Variants in SDAD1 observed in about 807,000 individuals in gnomAD.
The protein encoded by SDAD1 is SDA1 domain containing 1.
SDAD1 carries 79 observed loss-of-function variants against 100.3 expected under a neutral mutation model. That is an observed-to-expected ratio of 0.79 (90% CI 0.66 to 0.95). The LOEUF is 0.95. Ranked by LOEUF, SDAD1 falls within the 40% of genes least tolerant of loss-of-function variation. The pLI is 0.00. For synonymous variants in SDAD1, 267 were observed against 271.4 expected, an observed-to-expected ratio of 0.98 and a Z score of 0.16; for missense variants, 790 against 810.9, an observed-to-expected ratio of 0.97 and a Z score of 0.31.
chr4:75,964,114 C>T (rs1729401746), intron 14 of SDAD1, 21 bp downstream of exon 14: 1 of 1,548,966 alleles, frequency 6.5e-7, no homozygotes, highest in Non-Finnish European at 8.9e-7. Context: ...TATCTTCTGC[C>T]TCCAACCAGA....
At chr4:75,977,573 G>A (rs1730223173) in intron 4 of SDAD1, 73 bp downstream of exon 4, 4 of 919,372 alleles carry the variant, frequency 4.4e-6, no homozygotes, top group African/African-American at 1.7e-5. Flanking sequence ...GTAAAGCATC[G>A]ATAATTCAAG....
intron 21 of SDAD1, among the ~76,000 whole-genome samples, chr4:75,955,447 T>A (rs562919458): frequency 6.6e-6 from 1 of 152,240 alleles, no homozygotes; most frequent in East Asian, 1.9e-4. Context: ...TGCGGGCTGC[T>A]GGCCAGATCC....
chr4:75,982,018 T>C lies in SDAD1; in HGVS notation c.110A>G (p.His37Arg). Residue 37 changes from histidine to arginine, a missense_variant, in exon 2 of 22, where the codon CAC becomes CGC. His to Arg is a conservative substitution (Grantham distance 29). Transcript: ENST00000356260. ...GAAAATCTCCACATTGGATTTGTAG[T>C]GATTATACTGCTGTAGAAACTGCAG... Reference protein sequence around the residue: ...YIEEFLQQYNHYKSNVEIFKL... With the variant: ...YIEEFLQQYNRYKSNVEIFKL... 3 of 1,608,920 alleles carry C rather than the reference T, an allele frequency of 1.9e-6. No homozygotes were observed. The highest frequency in any genetic ancestry group is 1.3e-5 in the African/African-American group (1 of 74,878).
In SDAD1 at chr4:75,961,108, T is replaced by C; in HGVS notation, c.1280-4A>G. ...GTTCTAGCAGACATCATTACATCTGTAAAATAATACTTTTAATTAGAAATT... is the reference window on the plus strand; with the variant it reads ...GTTCTAGCAGACATCATTACATCTGCAAAATAATACTTTTAATTAGAAATT... On this transcript the variant is annotated splice_polypyrimidine_tract_variant and splice_region_variant and intron_variant, in intron 15 of 21. Transcript: ENST00000356260. 7 of 1,613,562 alleles carry C rather than the reference T, an allele frequency of 4.3e-6. No homozygotes were observed. The highest frequency in any genetic ancestry group is 5.9e-6 in the Non-Finnish European group (7 of 1,179,500).
chr4:75,973,298 C>G lies in SDAD1; in HGVS notation c.711+19G>C. On this transcript the variant is annotated intron_variant, in intron 8 of 21. Coordinates refer to ENST00000356260, the MANE Select transcript of SDAD1 (RefSeq NM_018115.4). ...AATAATAAAAGGTAAGATTCAGAAG[C>G]AGCTATGATTAAACTAACCTCAGAT... is the stretch of plus-strand genomic sequence containing the variant. The G allele has an allele frequency of 1.3e-6, 2 of 1,587,306 alleles. No individual in the cohort carries two copies. The highest frequency in any genetic ancestry group is 1.7e-6 in the Non-Finnish European group (2 of 1,155,888).
rs768066726 is a variant in SDAD1, at chr4:75,957,608, C to T, written c.1679G>A (p.Arg560His). The change falls in exon 19 of 22, where the codon CGC becomes CAC. Residue 560 changes from arginine (R) to histidine (H), a missense_variant. Coordinates refer to ENST00000356260, the MANE Select transcript of SDAD1 (RefSeq NM_018115.4). Reference sequence around the variant, plus strand: ...AAGTTCTTTTCTCATTTGGGCCATGCGGATTTTCTGGAAGTCTTCCTGAGT... The same window carrying T: ...AAGTTCTTTTCTCATTTGGGCCATGTGGATTTTCTGGAAGTCTTCCTGAGT... ...VLTQEDFQKI[R>H]MAQMRKELDA... 1.7e-5 allele frequency: 27 copies of T among 1,614,036 alleles called. No homozygotes were observed. The highest frequency in any genetic ancestry group is 3.3e-5 in the Admixed American group (2 of 59,994).
chr4:75,986,102 G>A (rs193020887), intron 1 of SDAD1, among the ~76,000 whole-genome samples: 2 of 152,208 alleles, frequency 1.3e-5, no homozygotes, highest in African/African-American at 4.8e-5. Flanking sequence ...CGGCTAATTG[G>A]TGTCATTTTA....
chr4:75,981,082 A>G (rs1421034512), intron 3 of SDAD1: 5 of 283,102 alleles, frequency 1.8e-5, no homozygotes, highest in Non-Finnish European at 3.3e-5. Context: ...AGCATCCTGT[A>G]GGGTTAGTGT....
intron 8 of SDAD1, 67 bp from the exon 9 acceptor site, chr4:75,971,525 T>C (rs1420075151): frequency 4.5e-6 from 5 of 1,122,282 alleles, no homozygotes; most frequent in Non-Finnish European, 6.7e-6. Context: ...AGAGTAAACC[T>C]TTCAGCCACT....
intron 18 of SDAD1, 30 bp from the exon 19 acceptor site, chr4:75,957,738 A>T (rs776551574): frequency 1.5e-5 from 25 of 1,613,312 alleles, no homozygotes; most frequent in Non-Finnish European, 2.1e-5. Flanking sequence ...TTAAATGGCT[A>T]CCAGCTCAAG....
intron 14 of SDAD1, among the ~76,000 whole-genome samples, chr4:75,962,681 G>A (rs572195754): frequency 5.9e-5 from 9 of 152,240 alleles, no homozygotes; most frequent in African/African-American, 1.9e-4. Context: ...GTGCCTTTAG[G>A]CTACATAAAT....
At chr4:75,965,945 T>C (rs1729514424) in intron 12 of SDAD1, 123 bp from the exon 13 acceptor site, 1 of 730,618 alleles carries the variant, frequency 1.4e-6, no homozygotes, top group Non-Finnish European at 2.3e-6. Context: ...CCTGGAACAC[T>C]CAATCCCCAG....
chr4:75,951,407 T>A (rs113111875), intron 21 of SDAD1, among the ~76,000 whole-genome samples: 7 of 152,230 alleles, frequency 4.6e-5, no homozygotes, highest in African/African-American at 1.7e-4. Context: ...CATGAAGATA[T>A]TAACTCAGAA....
chr4:75,958,685 T>C (rs1729045318), intron 17 of SDAD1, among the ~76,000 whole-genome samples: 1 of 151,940 alleles, frequency 6.6e-6, no homozygotes, highest in Non-Finnish European at 1.5e-5. Context: ...TTCTAATAGT[T>C]AGTTCCCTAA....
intron 14 of SDAD1, among the ~76,000 whole-genome samples, chr4:75,962,786 A>C (rs545914953): frequency 3.3e-5 from 5 of 151,892 alleles, no homozygotes; most frequent in Non-Finnish European, 7.4e-5. Context: ...TAGATTCTGG[A>C]TATTAGCCCT....
chr4:75,977,717 G>T lies in SDAD1; in HGVS notation c.334C>A (p.Leu112Ile). 6.2e-7 allele frequency: 1 copy of T among 1,612,878 alleles called. No homozygotes were observed. Among genetic ancestry groups the T allele is most frequent in the Non-Finnish European group, 8.5e-7 (1 of 1,179,498 alleles). The change falls in exon 4 of 22, where the codon CTC becomes ATC. Residue 112 changes from leucine to isoleucine, a missense_variant. Leu to Ile is a conservative substitution (Grantham distance 5, BLOSUM62 2). Coordinates refer to ENST00000356260, the MANE Select transcript of SDAD1 (RefSeq NM_018115.4). Reference sequence around the variant, plus strand: ...TCTAGCAGGCTTGATGGATTGATGAGATTCTTATTTCTCAGCAAGATCAAA... The same window carrying T: ...TCTAGCAGGCTTGATGGATTGATGATATTCTTATTTCTCAGCAAGATCAAA... Reference protein sequence around the residue: ...KALILLRNKNLINPSSLLELF... With the variant: ...KALILLRNKNIINPSSLLELF...
intron 2 of SDAD1, 115 bp downstream of exon 2, chr4:75,981,818 A>G: frequency 1.2e-6 from 1 of 844,506 alleles, no homozygotes. Flanking sequence ...GAAAGTTAGA[A>G]AAATATTTTA....
chr4:75,963,216 A>G (rs964086675), intron 14 of SDAD1, among the ~76,000 whole-genome samples: 1 of 151,712 alleles, frequency 6.6e-6, no homozygotes, highest in Non-Finnish European at 1.5e-5. Flanking sequence ...GTGTGGTATT[A>G]TATCTGAGGG....
intron 21 of SDAD1, among the ~76,000 whole-genome samples, chr4:75,954,518 C>T (rs948143249): frequency 1.3e-5 from 2 of 151,682 alleles, no homozygotes; most frequent in South Asian, 4.2e-4. Flanking sequence ...ACAAAAAATA[C>T]AAAAATTAGC....
Sources: gnomAD v4.1 joint callset for allele counts (sites outside exome capture counted in the v4.1 genomes callset) on GRCh38, gnomAD v4.1.1 for gene constraint, MANE v1.5 for transcripts, NCBI Gene and HGNC (gene_info 2026-07-23, HGNC 2026-07-21) for gene names.